Variants in SPTLC2 observed in about 807,000 individuals in gnomAD.
SPTLC2 encodes the protein serine palmitoyltransferase 2.
In SPTLC2, 21 loss-of-function variants were observed where a neutral mutation model predicts 62.0. That is an observed-to-expected ratio of 0.34 (90% CI 0.24 to 0.49). The LOEUF is 0.49. Ranked by LOEUF, SPTLC2 falls within the 20% of genes least tolerant of loss-of-function variation. SPTLC2 has a pLI of 0.99. For synonymous variants in SPTLC2, 261 were observed against 261.8 expected, an observed-to-expected ratio of 1.00 and a Z score of 0.03; for missense variants, 511 against 713.0, an observed-to-expected ratio of 0.72 and a Z score of 3.23.
chr14:77,562,966 C>T (rs1052409887), intron 5 of SPTLC2, among the ~76,000 whole-genome samples: 1 of 152,110 alleles, frequency 6.6e-6, no homozygotes, highest in Non-Finnish European at 1.5e-5. Flanking sequence ...ACTTTTTCCC[C>T]ACATAGCATG....
chr14:77,512,555 G>A, intron 11 of SPTLC2, 152 bp from the exon 12 acceptor site: 4 of 1,212,568 alleles, frequency 3.3e-6, no homozygotes, highest in Admixed American at 2.0e-5. Context: ...CAATACAGCT[G>A]TGGAAGGAGC....
chr14:77,550,971 G>A, intron 9 of SPTLC2, among the ~76,000 whole-genome samples: 1 of 150,886 alleles, frequency 6.6e-6, no homozygotes. Flanking sequence ...AAAATCAGAT[G>A]TGCCACTTTA....
rs566498708 is a variant in SPTLC2, at chr14:77,575,680, C to A, written c.631+1087G>T. On this transcript the variant is annotated intron_variant, in intron 4 of 11. Coordinates refer to ENST00000216484, the MANE Select transcript of SPTLC2 (RefSeq NM_004863.4). ...CTGAATGGCTAGGATCACAAGCATGCGCCACCACGTTCGGCTACTTTATCT... is the reference window on the plus strand; with the variant it reads ...CTGAATGGCTAGGATCACAAGCATGAGCCACCACGTTCGGCTACTTTATCT... Among the ~76,000 whole-genome samples, 20 of 152,296 alleles carry A rather than the reference C, an allele frequency of 1.3e-4. No homozygotes were observed. In the South Asian group the frequency reaches 4.1e-3, roughly 32 times the overall value.
At chr14:77,597,916 G>C (rs2079856669) in intron 1 of SPTLC2, among the ~76,000 whole-genome samples, 1 of 151,872 alleles carries the variant, frequency 6.6e-6, no homozygotes, top group Admixed American at 6.6e-5. Flanking sequence ...CTGAGGTTGG[G>C]AGTTCAAGCC....
rs1454775229 is a variant in SPTLC2, at chr14:77,508,442, A to C, written c.*3842T>G. On this transcript the variant is annotated 3_prime_UTR_variant, in exon 12 of 12. Coordinates refer to ENST00000216484, the MANE Select transcript of SPTLC2 (RefSeq NM_004863.4). ...ACCCTACAAATCCTTGCAAAACAAC[A>C]GTTACTCACATTCTTTCTTCACGGC... The C allele has an allele frequency of 1.3e-5, 2 of 152,246 alleles. No homozygotes were observed. Among genetic ancestry groups the C allele is most frequent in the Admixed American group, 6.5e-5 (1 of 15,274 alleles). 9.4% of individuals were successfully genotyped at this position (152,246 alleles called of 1,614,324 possible).
In SPTLC2 at chr14:77,510,009, G is replaced by A. The variant is rs886050843; in HGVS notation, c.*2275C>T. The A allele has an allele frequency of 1.0e-5, 4 of 398,052 alleles. No homozygotes were observed. Among genetic ancestry groups the A allele is most frequent in the African/African-American group, 4.1e-5 (2 of 48,596 alleles). 24.7% of individuals were successfully genotyped at this position (398,052 alleles called of 1,614,324 possible). On this transcript the variant is annotated 3_prime_UTR_variant, in exon 12 of 12. Coordinates refer to ENST00000216484, the MANE Select transcript of SPTLC2 (RefSeq NM_004863.4). Reference sequence around the variant, plus strand: ...AGTTTGTGACTTTTACAAACCCTACGTTTACATTAGTAAATAGTAACTGCA... The same window carrying A: ...AGTTTGTGACTTTTACAAACCCTACATTTACATTAGTAAATAGTAACTGCA...
At chr14:77,580,776 G>A (rs2079745670) in intron 2 of SPTLC2, among the ~76,000 whole-genome samples, 1 of 151,962 alleles carries the variant, frequency 6.6e-6, no homozygotes, top group Non-Finnish European at 1.5e-5. Flanking sequence ...CCAACACTTG[G>A]GAGGCTAAGG....
chr14:77,592,030 G>C (rs1292638613), intron 2 of SPTLC2, among the ~76,000 whole-genome samples: 1 of 151,468 alleles, frequency 6.6e-6, no homozygotes, highest in Non-Finnish European at 1.5e-5. Context: ...AGCCAGTTGT[G>C]TTCTTTTTAA....
At chr14:77,599,727 G>A (rs2079867113) in intron 1 of SPTLC2, among the ~76,000 whole-genome samples, 1 of 152,186 alleles carries the variant, frequency 6.6e-6, no homozygotes, top group Admixed American at 6.5e-5. Context: ...GAGTAAGACT[G>A]TAATGTGTTT....
intron 4 of SPTLC2, among the ~76,000 whole-genome samples, chr14:77,571,508 C>CAAA (rs71128649): frequency 1.8e-4 from 24 of 133,434 alleles, no homozygotes; most frequent in Middle Eastern, 3.8e-3. Context: ...GACTCTGACT[C>CAAA]AAAAAAAAAA....
At chr14:77,582,566 A>C (rs1342016224) in intron 2 of SPTLC2, among the ~76,000 whole-genome samples, 1 of 152,232 alleles carries the variant, frequency 6.6e-6, no homozygotes, top group Non-Finnish European at 1.5e-5. Context: ...ACTGCAGGCC[A>C]GAATGAAGTA....
At chr14:77,538,557 T>C (rs7401921) in intron 9 of SPTLC2, among the ~76,000 whole-genome samples, 146,239 of 152,264 alleles carry the variant, frequency 0.96, 70,517 homozygotes, top group East Asian at 1. Context: ...TTATTAGTAG[T>C]TTTAATTTGG....
intron 1 of SPTLC2, among the ~76,000 whole-genome samples, chr14:77,602,601 G>A (rs1595016581): frequency 6.6e-6 from 1 of 150,900 alleles, no homozygotes; most frequent in East Asian, 1.9e-4. Context: ...CCAGGATGGA[G>A]TGCAGTGGTG....
intron 1 of SPTLC2, among the ~76,000 whole-genome samples, chr14:77,601,422 G>A (rs1263030163): frequency 1.3e-5 from 2 of 152,022 alleles, no homozygotes; most frequent in African/African-American, 2.4e-5. Flanking sequence ...TAACTCCACC[G>A]CCTATCCCAA....
At chr14:77,601,511 T>C (rs965866668) in intron 1 of SPTLC2, among the ~76,000 whole-genome samples, 3 of 152,068 alleles carry the variant, frequency 2.0e-5, no homozygotes, top group Non-Finnish European at 4.4e-5. Flanking sequence ...CCAGGTGAAA[T>C]AAACAGCCTT....
chr14:77,597,266 G>C lies in SPTLC2; in HGVS notation c.247C>G (p.Leu83Val). ...LTYVGYGVLT[L>V]FGYLRDFLRY... ...AAGAAATCTCGAAGATATCCAAAGA[G>C]GGTGAGTACGCCATACCCCACATAC... The change falls in exon 2 of 12, where the codon CTC becomes GTC. Residue 83 changes from leucine (L) to valine (V), a missense_variant. Transcript: ENST00000216484. The C allele has an allele frequency of 1.2e-6, 2 of 1,614,170 alleles. No homozygotes were observed. The highest frequency in any genetic ancestry group is 2.2e-5 in the South Asian group (2 of 91,080).
chr14:77,604,373 A>C (rs900761355), intron 1 of SPTLC2, among the ~76,000 whole-genome samples: 1 of 151,990 alleles, frequency 6.6e-6, no homozygotes, highest in Non-Finnish European at 1.5e-5. Context: ...CCCCCATCCC[A>C]TTTTTGTATA....
intron 9 of SPTLC2, among the ~76,000 whole-genome samples, chr14:77,536,666 A>G (rs1221490428): frequency 6.6e-6 from 1 of 152,118 alleles, no homozygotes; most frequent in Non-Finnish European, 1.5e-5. Flanking sequence ...AATATAATTT[A>G]TTCCAAAGCC....
intron 9 of SPTLC2, among the ~76,000 whole-genome samples, chr14:77,526,418 G>A (rs1472935592): frequency 1.3e-5 from 2 of 152,270 alleles, no homozygotes; most frequent in East Asian, 1.9e-4. Flanking sequence ...AATATAAAGA[G>A]GTCAGAATTC....
Sources: gnomAD v4.1 joint callset for allele counts (sites outside exome capture counted in the v4.1 genomes callset) on GRCh38, gnomAD v4.1.1 for gene constraint, MANE v1.5 for transcripts, NCBI Gene and HGNC (gene_info 2026-07-23, HGNC 2026-07-21) for gene names.